GRIA1: variants seen among roughly 807,000 people sequenced by gnomAD.
The protein encoded by GRIA1 is glutamate receptor 1.
A neutral mutation model predicts 99.2 loss-of-function variants in GRIA1; 31 were observed. That is an observed-to-expected ratio of 0.31 (90% CI 0.23 to 0.42). The LOEUF (loss-of-function observed/expected upper bound fraction) is 0.42, where lower values mean the gene tolerates loss of function less well. Among genes scored for constraint, GRIA1 ranks in the 10% least tolerant of loss-of-function variants. GRIA1 has a pLI of 1.00. For missense variants in GRIA1, 782 were observed against 1,157.5 expected (o/e 0.68, Z 4.71); for synonymous variants, 438 against 432.4 (o/e 1.01, Z -0.16).
At chr5:153,542,467 C>T (rs911696304) in intron 2 of GRIA1, among the ~76,000 whole-genome samples, 3 of 152,180 alleles carry the variant, frequency 2.0e-5, no homozygotes, top group Non-Finnish European at 4.4e-5. Context: ...TAAATGACAT[C>T]CCATGAGAAT....
chr5:153,714,034 G>A (rs1759499812), intron 11 of GRIA1, among the ~76,000 whole-genome samples: 1 of 152,174 alleles, frequency 6.6e-6, no homozygotes. Flanking sequence ...CGATAGGCGA[G>A]GATTCTGGGT....
At chr5:153,664,766 T>G (rs1358237964) in intron 5 of GRIA1, among the ~76,000 whole-genome samples, 2 of 152,192 alleles carry the variant, frequency 1.3e-5, no homozygotes, top group Non-Finnish European at 2.9e-5. Flanking sequence ...TACTACAATA[T>G]TTCTTACCTG....
At position 153,709,357 on chromosome 5, in the gene GRIA1, G is replaced by C. The variant is rs151093204; in HGVS notation, c.1823+3290G>C. Among the ~76,000 whole-genome samples the C allele has an allele frequency of 9.8e-3, 1,498 of 152,176 alleles. 20 individuals are homozygous for C. Among genetic ancestry groups the C allele is most frequent in the African/African-American group, 0.034 (1,408 of 41,500 alleles). ...AAACCCTTCCTAATTTAGTATTTGG[G>C]GAAATCAATTTCATCTGAATTGCAT... On this transcript the variant is annotated intron_variant, in intron 11 of 15. Transcript: ENST00000285900.
Position 153,813,189 on chromosome 5 carries a change from T to C in GRIA1, c.*1964T>C, listed in dbSNP as rs1766942313. The stretch of plus-strand genomic sequence containing the variant: ...GGTTCATGAAACCGGACCCTCAAGA[T>C]GGATGATTGCTTTTAACTACTGCCA... On this transcript the variant is annotated 3_prime_UTR_variant, in exon 16 of 16. Transcript: ENST00000285900. 1 of 152,206 alleles carries C rather than the reference T, an allele frequency of 6.6e-6. No individual in the cohort carries two copies. Among genetic ancestry groups the C allele is most frequent in the Non-Finnish European group, 1.5e-5 (1 of 68,038 alleles). 9.4% of individuals were successfully genotyped at this position (152,206 alleles called of 1,614,324 possible).
At chr5:153,744,158 A>AC (rs1396190472) in intron 11 of GRIA1, among the ~76,000 whole-genome samples, 4 of 152,072 alleles carry the variant, frequency 2.6e-5, no homozygotes, top group African/African-American at 7.2e-5. Context: ...CTGAGTGAGG[A>AC]CCCCTGAGAA....
In GRIA1 at chr5:153,790,139, A is replaced by C. The variant is rs543788557; in HGVS notation, c.2271-4482A>C. 2.6e-4 allele frequency among the ~76,000 whole-genome samples: 39 copies of C among 152,272 alleles called. No individual in the cohort carries two copies. The South Asian group carries it at 7.9e-3, about 31-fold the overall frequency. ...ACCCCAGAGATGGTCCCTGATGGCA[A>C]GTGGAAAATCTGAAGCCACAGGAGG... On this transcript the variant is annotated intron_variant, in intron 13 of 15. Transcript: ENST00000285900.
At chr5:153,712,596 G>A (rs1163242735) in intron 11 of GRIA1, among the ~76,000 whole-genome samples, 1 of 129,588 alleles carries the variant, frequency 7.7e-6, no homozygotes, top group Non-Finnish European at 1.7e-5. Flanking sequence ...TGATGTCACT[G>A]TAGTATTGTG....
chr5:153,576,109 T>C (rs772154548), intron 2 of GRIA1, among the ~76,000 whole-genome samples: 2 of 152,218 alleles, frequency 1.3e-5, no homozygotes, highest in Non-Finnish European at 2.9e-5. Flanking sequence ...CCATCTAACT[T>C]CTGTGAGCCT....
At chr5:153,787,779 A>G (rs932153426) in intron 13 of GRIA1, among the ~76,000 whole-genome samples, 3 of 152,082 alleles carry the variant, frequency 2.0e-5, no homozygotes, top group Non-Finnish European at 4.4e-5. Context: ...GCCTCTTCCC[A>G]CAAAACTGAC....
chr5:153,761,000 A>T (rs370236354), intron 11 of GRIA1, among the ~76,000 whole-genome samples: 31 of 152,214 alleles, frequency 2.0e-4, no homozygotes, highest in African/African-American at 7.5e-4. Context: ...CTAGATCCCT[A>T]TCTCTCACTA....
chr5:153,683,081 A>G (rs1347852943), intron 7 of GRIA1, among the ~76,000 whole-genome samples: 1 of 152,082 alleles, frequency 6.6e-6, no homozygotes, highest in Non-Finnish European at 1.5e-5. Context: ...CATCAATCTG[A>G]CCTCAGACAC....
chr5:153,598,103 T>C (rs1421747095), intron 2 of GRIA1, among the ~76,000 whole-genome samples: 2 of 151,994 alleles, frequency 1.3e-5, no homozygotes, highest in Non-Finnish European at 2.9e-5. Flanking sequence ...TAAATGTGAT[T>C]TTATATGTAT....
At chr5:153,571,097 T>TG (rs1234167901) in intron 2 of GRIA1, among the ~76,000 whole-genome samples, 1 of 152,192 alleles carries the variant, frequency 6.6e-6, no homozygotes, top group Non-Finnish European at 1.5e-5. Flanking sequence ...GTCTTTGTTT[T>TG]GGGGGGCTGT....
chr5:153,492,118 C>T (rs948931650), intron 1 of GRIA1: 25 of 1,410,294 alleles, frequency 1.8e-5, no homozygotes, highest in Middle Eastern at 4.5e-4. Context: ...AGGGAAAGTT[C>T]GCATTGCTGG....
intron 8 of GRIA1, among the ~76,000 whole-genome samples, chr5:153,695,013 T>C (rs1161569941): frequency 6.6e-6 from 1 of 152,066 alleles, no homozygotes; most frequent in Non-Finnish European, 1.5e-5. Flanking sequence ...TAGGACCATC[T>C]ATGAGGGGAT....
At chr5:153,633,738 A>G (rs1007026187) in intron 2 of GRIA1, among the ~76,000 whole-genome samples, 2 of 152,226 alleles carry the variant, frequency 1.3e-5, no homozygotes, top group Non-Finnish European at 2.9e-5. Context: ...AGGAGAAATG[A>G]CTAAGTTCAT....
intron 2 of GRIA1, among the ~76,000 whole-genome samples, chr5:153,558,278 A>T (rs545540969): frequency 6.6e-6 from 1 of 152,286 alleles, no homozygotes; most frequent in African/African-American, 2.4e-5. Context: ...CACTCCTTTT[A>T]TACAGTTCTA....
chr5:153,742,989 T>A (rs1438188256), intron 11 of GRIA1, among the ~76,000 whole-genome samples: 3 of 152,184 alleles, frequency 2.0e-5, no homozygotes, highest in Admixed American at 2.0e-4. Context: ...ACACCTTACT[T>A]TGTGGGTGAG....
At chr5:153,759,236 TA>T (rs1264254807) in intron 11 of GRIA1, among the ~76,000 whole-genome samples, 1 of 143,032 alleles carries the variant, frequency 7.0e-6, no homozygotes, top group Non-Finnish European at 1.5e-5. Flanking sequence ...AGAACAGAAA[TA>T]AATAAAATAG....
Sources: gnomAD v4.1 joint callset for allele counts (sites outside exome capture counted in the v4.1 genomes callset) on GRCh38, gnomAD v4.1.1 for gene constraint, MANE v1.5 for transcripts, NCBI Gene and HGNC (gene_info 2026-07-23, HGNC 2026-07-21) for gene names.